The following MARCHF1 variants were observed in gnomAD, a reference collection of about 807,000 sequenced individuals.
MARCHF1 encodes the protein E3 ubiquitin-protein ligase MARCHF1.
A neutral mutation model predicts 54.2 loss-of-function variants in MARCHF1; 40 were observed. The ratio of observed to expected loss-of-function variants is 0.74; its 90% confidence interval spans 0.57 to 0.96. The LOEUF (loss-of-function observed/expected upper bound fraction) is 0.96, where lower values mean the gene tolerates loss of function less well. Among genes scored for constraint, MARCHF1 ranks in the 40% least tolerant of loss-of-function variants. MARCHF1 has a pLI of 0.00. For synonymous variants in MARCHF1, 236 were observed against 236.3 expected (o/e 1.00, Z 0.01); for missense variants, 586 against 656.5 (o/e 0.89, Z 1.17).
intron 1 of MARCHF1, among the ~76,000 whole-genome samples, chr4:164,242,612 A>G (rs1054396891): frequency 3.3e-5 from 5 of 152,212 alleles, no homozygotes; most frequent in Admixed American, 2.0e-4. Flanking sequence ...CCAGCAATGG[A>G]ACAAAGCTGG....
chr4:163,912,341 ATC>A (rs998371303), intron 3 of MARCHF1, among the ~76,000 whole-genome samples: 3 of 152,102 alleles, frequency 2.0e-5, no homozygotes, highest in African/African-American at 7.2e-5. Context: ...TTTCAAAGGG[ATC>A]TGAGTCAAGG....
At position 163,812,435 on chromosome 4, in the gene MARCHF1, C is replaced by T. The variant is rs190168112; in HGVS notation, c.111+41586G>A. On this transcript the variant is annotated intron_variant, in intron 4 of 9. Coordinates refer to ENST00000514618, the MANE Select transcript of MARCHF1 (RefSeq NM_001394959.1). ...TTGGAAGCTGAGGCTTACATATATT[C>T]GGTATAAGTCCACAGTGTCTGATTC... 3.9e-3 allele frequency among the ~76,000 whole-genome samples: 589 copies of T among 152,122 alleles called. 13 individuals carry two copies. In the South Asian group the frequency reaches 0.04, roughly 10 times the overall value.
At chr4:163,954,470 T>A (rs886724936) in intron 3 of MARCHF1, among the ~76,000 whole-genome samples, 2 of 152,172 alleles carry the variant, frequency 1.3e-5, no homozygotes, top group African/African-American at 4.8e-5. Flanking sequence ...CATTTGTCCC[T>A]TGGATACTGT....
intron 5 of MARCHF1, among the ~76,000 whole-genome samples, chr4:163,698,601 A>C (rs186033523): frequency 6.6e-6 from 1 of 152,330 alleles, no homozygotes; most frequent in Non-Finnish European, 1.5e-5. Flanking sequence ...ACAGAAGTAC[A>C]ATTAATACAT....
chr4:163,620,602 CACACAGAGAGAGAGAGAGAG>C (rs1277088171), intron 5 of MARCHF1, among the ~76,000 whole-genome samples: 119 of 97,934 alleles, frequency 1.2e-3, no homozygotes, highest in Middle Eastern at 4.7e-3. Context: ...CACACACACA[CACACAGAGAGAGAGAGAGAG>C]AGAGAGAGAG....
At chr4:164,168,024 G>C (rs906749849) in intron 1 of MARCHF1, among the ~76,000 whole-genome samples, 1 of 151,902 alleles carries the variant, frequency 6.6e-6, no homozygotes, top group Non-Finnish European at 1.5e-5. Flanking sequence ...CAAACATCTG[G>C]TAAGGGGTTA....
intron 1 of MARCHF1, among the ~76,000 whole-genome samples, chr4:164,316,990 C>G (rs1349380874): frequency 3.3e-5 from 5 of 152,156 alleles, no homozygotes; most frequent in African/African-American, 1.2e-4. Flanking sequence ...AATTAAGCCT[C>G]TTTCCTTTAT....
At chr4:164,148,984 C>T (rs923175302) in intron 1 of MARCHF1, among the ~76,000 whole-genome samples, 1 of 152,112 alleles carries the variant, frequency 6.6e-6, no homozygotes, top group Non-Finnish European at 1.5e-5. Context: ...GGCCTAATGG[C>T]AGGTGTTTGG....
rs953026319 is a variant in MARCHF1, at chr4:164,059,202, C to T, written c.-248+52386G>A. On this transcript the variant is annotated intron_variant, in intron 2 of 9. Coordinates refer to ENST00000514618, the MANE Select transcript of MARCHF1 (RefSeq NM_001394959.1). Reference sequence around the variant, plus strand: ...ATATTAAAAGAAATATCAGTGATTCCGGAGTAAATGATGTCCTGTTATAGA... The same window carrying T: ...ATATTAAAAGAAATATCAGTGATTCTGGAGTAAATGATGTCCTGTTATAGA... Among the ~76,000 whole-genome samples, 9 of 152,212 alleles carry T rather than the reference C, an allele frequency of 5.9e-5. No individual in the cohort carries two copies. In the East Asian group the frequency reaches 1.5e-3, roughly 26 times the overall value.
At chr4:164,144,894 G>C (rs868076100) in intron 1 of MARCHF1, among the ~76,000 whole-genome samples, 54 of 123,304 alleles carry the variant, frequency 4.4e-4, no homozygotes, top group Middle Eastern at 7.2e-3. Flanking sequence ...CTGGTTTTTT[G>C]AAAGGATCAA....
intron 1 of MARCHF1, among the ~76,000 whole-genome samples, chr4:164,162,126 A>G (rs917069857): frequency 1.3e-5 from 2 of 152,168 alleles, no homozygotes; most frequent in Non-Finnish European, 2.9e-5. Flanking sequence ...TAAAAGAAAC[A>G]TGTTTTGTAT....
At chr4:164,026,803 C>G (rs1753777607) in intron 2 of MARCHF1, among the ~76,000 whole-genome samples, 1 of 152,030 alleles carries the variant, frequency 6.6e-6, no homozygotes, top group Non-Finnish European at 1.5e-5. Context: ...AAAACTCTCT[C>G]TTCGTAGATG....
chr4:163,992,218 AT>A (rs1752981314), intron 2 of MARCHF1, among the ~76,000 whole-genome samples: 1 of 152,102 alleles, frequency 6.6e-6, no homozygotes, highest in East Asian at 1.9e-4. Context: ...TTCGATAAAC[AT>A]TTGTTAAGCA....
intron 1 of MARCHF1, among the ~76,000 whole-genome samples, chr4:164,241,466 A>G (rs1324490312): frequency 6.6e-6 from 1 of 152,226 alleles, no homozygotes; most frequent in Middle Eastern, 3.4e-3. Context: ...TTTTTTGACA[A>G]TAGTTTGCCT....
intron 1 of MARCHF1, among the ~76,000 whole-genome samples, chr4:164,262,738 G>A (rs1340019571): frequency 2.0e-5 from 3 of 152,128 alleles, no homozygotes; most frequent in Non-Finnish European, 4.4e-5. Context: ...CACTGGAGAC[G>A]ATGATTGGCA....
rs6822724 is a variant in MARCHF1, at chr4:163,967,160, T to C, written c.-39+21341A>G. Among the ~76,000 whole-genome samples, 662 of 152,234 alleles carry C rather than the reference T, an allele frequency of 4.3e-3. 15 individuals carry two copies. Among genetic ancestry groups the C allele is most frequent in the East Asian group, 0.032 (163 of 5,172 alleles). On this transcript the variant is annotated intron_variant, in intron 3 of 9. Transcript: ENST00000514618. ...AATCAGATCATTAAGGGACCTTGTATACCACGATAAGGAAATTAAATTTCC... is the reference window on the plus strand; with the variant it reads ...AATCAGATCATTAAGGGACCTTGTACACCACGATAAGGAAATTAAATTTCC...
intron 1 of MARCHF1, among the ~76,000 whole-genome samples, chr4:164,312,278 T>C (rs893451587): frequency 6.6e-6 from 1 of 151,440 alleles, no homozygotes; most frequent in African/African-American, 2.4e-5. Flanking sequence ...GTATTTTAGA[T>C]ACTAAAAGCA....
intron 3 of MARCHF1, among the ~76,000 whole-genome samples, chr4:163,951,749 C>T (rs1458913952): frequency 6.6e-6 from 1 of 152,134 alleles, no homozygotes; most frequent in Non-Finnish European, 1.5e-5. Context: ...CTAGGGATAG[C>T]TTAGATCAGC....
chr4:163,810,572 T>C (rs1013045900), intron 4 of MARCHF1, among the ~76,000 whole-genome samples: 2 of 152,202 alleles, frequency 1.3e-5, no homozygotes, highest in African/African-American at 4.8e-5. Context: ...TTCATTCATA[T>C]GACAATAATT....
Sources: gnomAD v4.1 joint callset for allele counts (sites outside exome capture counted in the v4.1 genomes callset) on GRCh38, gnomAD v4.1.1 for gene constraint, MANE v1.5 for transcripts, NCBI Gene and HGNC (gene_info 2026-07-23, HGNC 2026-07-21) for gene names.